USP49: variants seen among roughly 807,000 people sequenced by gnomAD.
USP49 encodes ubiquitin specific peptidase 49, also known as ubiquitin carboxyl-terminal hydrolase 49.
A neutral mutation model predicts 58.6 loss-of-function variants in USP49; 24 were observed. The observed-to-expected ratio is 0.41, with a 90% CI of 0.30 to 0.58. The LOEUF (loss-of-function observed/expected upper bound fraction) is 0.58. Ranked by LOEUF, USP49 falls within the 20% of genes least tolerant of loss-of-function variation. USP49 has a pLI of 0.30. For synonymous variants in USP49, 408 were observed against 365.1 expected (o/e 1.12, Z -1.34); for missense variants, 703 against 866.1 (o/e 0.81, Z 2.36).
At chr6:41,881,520 G>C (rs1320927691) in intron 2 of USP49, among the ~76,000 whole-genome samples, 2 of 151,602 alleles carry the variant, frequency 1.3e-5, no homozygotes, top group African/African-American at 4.8e-5. Flanking sequence ...ATTTCTAAGG[G>C]GAAAAAGAAA....
At chr6:41,879,760 A>G (rs183796848) in intron 2 of USP49, among the ~76,000 whole-genome samples, 7 of 152,370 alleles carry the variant, frequency 4.6e-5, no homozygotes, top group Admixed American at 1.3e-4. Flanking sequence ...AGCTTCCCAA[A>G]TGATACAGCC....
intron 2 of USP49, among the ~76,000 whole-genome samples, chr6:41,890,436 G>C (rs747059748): frequency 5.3e-5 from 8 of 151,812 alleles, no homozygotes; most frequent in Non-Finnish European, 1.0e-4. Context: ...TAGGAGGCCA[G>C]GCGCGGTGGC....
At chr6:41,848,392 G>C (rs1183380730) in intron 3 of USP49, among the ~76,000 whole-genome samples, 1 of 150,970 alleles carries the variant, frequency 6.6e-6, no homozygotes, top group East Asian at 1.9e-4. Flanking sequence ...TTTTAGATAG[G>C]CTCGCACGCT....
intron 3 of USP49, among the ~76,000 whole-genome samples, chr6:41,856,047 CA>C (rs67430578): frequency 0.19 from 26,381 of 136,048 alleles, 2,801 homozygotes; most frequent in East Asian, 0.31. Context: ...GACTCCATCT[CA>C]AAAAAAAAAA....
intron 1 of USP49, 61 bp downstream of exon 1, chr6:41,895,250 CCCTACCCCCTGGA>C (rs1774878000): frequency 6.6e-6 from 1 of 150,940 alleles, no homozygotes; most frequent in Admixed American, 6.6e-5. Context: ...CCCCCGTTCC[CCCTACCCCCTGGA>C]GCTACCCACT....
At chr6:41,846,901 G>A (rs1333868240) in intron 3 of USP49, among the ~76,000 whole-genome samples, 1 of 152,166 alleles carries the variant, frequency 6.6e-6, no homozygotes, top group African/African-American at 2.4e-5. Context: ...GACTGGACAG[G>A]TTCCAGAGTA....
At chr6:41,884,128 A>G (rs1774666355) in intron 2 of USP49, among the ~76,000 whole-genome samples, 1 of 152,126 alleles carries the variant, frequency 6.6e-6, no homozygotes, top group African/African-American at 2.4e-5. Flanking sequence ...GGTTCAAGCA[A>G]TTCTCCTGCC....
intron 3 of USP49, among the ~76,000 whole-genome samples, chr6:41,833,730 A>G (rs1462182421): frequency 6.6e-6 from 1 of 152,248 alleles, no homozygotes; most frequent in Non-Finnish European, 1.5e-5. Context: ...TGTGTGTAAG[A>G]TTTCTGAAAT....
chr6:41,829,161 T>A (rs1773592103), intron 3 of USP49, among the ~76,000 whole-genome samples: 1 of 152,164 alleles, frequency 6.6e-6, no homozygotes, highest in South Asian at 2.1e-4. Context: ...CTGTATTAGG[T>A]TTAATCATAT....
intron 3 of USP49, among the ~76,000 whole-genome samples, chr6:41,830,952 T>C (rs532526601): frequency 6.4e-4 from 97 of 152,232 alleles, no homozygotes; most frequent in Non-Finnish European, 1.2e-3. Flanking sequence ...ACCTGCATTG[T>C]CACTATAAAA....
intron 2 of USP49, among the ~76,000 whole-genome samples, chr6:41,881,184 G>A (rs759422101): frequency 3.7e-4 from 55 of 149,126 alleles, no homozygotes; most frequent in Admixed American, 6.8e-4. Flanking sequence ...CACCCACCTC[G>A]GCCTCCCAAA....
intron 3 of USP49, among the ~76,000 whole-genome samples, chr6:41,839,404 CAAAAAAAAAAAAAAAAAAA>C (rs538220746): frequency 1.3e-4 from 3 of 22,234 alleles, no homozygotes; most frequent in Admixed American, 8.8e-4. Context: ...GGCCTTGTCT[CAAAAAAAAAAAAAAAAAAA>C]AAAAAAAAAA....
chr6:41,825,103 C>T (rs956541679), intron 3 of USP49, among the ~76,000 whole-genome samples: 1 of 152,198 alleles, frequency 6.6e-6, no homozygotes, highest in African/African-American at 2.4e-5. Context: ...GTTTAAGTCC[C>T]ACAAATCTTA....
At chr6:41,863,122 A>G (rs1392446021) in intron 3 of USP49, among the ~76,000 whole-genome samples, 1 of 152,096 alleles carries the variant, frequency 6.6e-6, no homozygotes, top group Non-Finnish European at 1.5e-5. Context: ...TTAATTCAGC[A>G]CTTCTTCCTA....
At chr6:41,839,608 CCAA>C (rs1018172958) in intron 3 of USP49, among the ~76,000 whole-genome samples, 4 of 151,470 alleles carry the variant, frequency 2.6e-5, no homozygotes, top group African/African-American at 9.7e-5. Context: ...TGCCTATCAA[CCAA>C]CGAGTGGATA....
At position 41,806,445 on chromosome 6, in the gene USP49, C is replaced by G. The variant is rs1561904400; in HGVS notation, c.539G>C (p.Arg180Pro). ...EQRRQEEALE[R>P]KKEEARRRRR... The stretch of plus-strand genomic sequence containing the variant: ...CCGCCTCCGCGCCTCCTCCTTCTTG[C>G]GCTCCAGGGCCTCCTCCTGCCGCCG... The change falls in exon 4 of 8, where the codon CGC becomes CCC. Residue 180 changes from arginine to proline, a missense_variant. Transcript: ENST00000682992. This position sits in a 1 kb window ranked among gnomAD's most constrained non-coding sequence, Gnocchi z 5.9. The G allele has an allele frequency of 6.3e-7, 1 of 1,585,700 alleles. No individual in the cohort carries two copies. The highest frequency in any genetic ancestry group is 8.5e-7 in the Non-Finnish European group (1 of 1,174,616).
chr6:41,809,365 A>G (rs953461137), intron 3 of USP49, among the ~76,000 whole-genome samples: 3 of 152,038 alleles, frequency 2.0e-5, no homozygotes, highest in Non-Finnish European at 4.4e-5. Context: ...TCTACTAAAA[A>G]AATAAAAAAA....
chr6:41,843,705 C>T (rs1432652584), intron 3 of USP49, among the ~76,000 whole-genome samples: 2 of 152,010 alleles, frequency 1.3e-5, no homozygotes, highest in African/African-American at 4.8e-5. Flanking sequence ...CTCAGGAGTT[C>T]CAGACAAGCC....
intron 5 of USP49, among the ~76,000 whole-genome samples, chr6:41,802,379 CAATTT>C (rs1773016531): frequency 1.4e-5 from 1 of 69,500 alleles, no homozygotes; most frequent in Non-Finnish European, 3.2e-5. Flanking sequence ...AGGTTTCCCA[CAATTT>C]ATTTTATTTT....
Sources: allele counts gnomAD v4.1 joint callset (sites outside exome capture counted in the v4.1 genomes callset), GRCh38; gene constraint gnomAD v4.1.1; non-coding constraint Gnocchi (gnomAD v3.1); transcripts MANE v1.5; gene names NCBI Gene and HGNC (gene_info 2026-07-23, HGNC 2026-07-21).